The following TNRC6B variants were observed in gnomAD, a reference collection of about 807,000 sequenced individuals.
TNRC6B encodes trinucleotide repeat containing adaptor 6B.
In TNRC6B, 52 loss-of-function variants were observed where a neutral mutation model predicts 203.6. The ratio of observed to expected loss-of-function variants is 0.26; its 90% CI spans 0.20 to 0.32. The LOEUF (loss-of-function observed/expected upper bound fraction) is 0.32. TNRC6B is among the 10% of genes least tolerant of loss of function. The pLI is 1.00. For synonymous variants in TNRC6B, 838 were observed against 845.7 expected (o/e 0.99, Z 0.16); for missense variants, 1,923 against 2,286.2 (o/e 0.84, Z 3.24).
chr22:40,192,577 A>T (rs1166483685), intron 1 of TNRC6B, among the ~76,000 whole-genome samples: 1 of 152,178 alleles, frequency 6.6e-6, no homozygotes, highest in Non-Finnish European at 1.5e-5. Context: ...AGATCGAGCC[A>T]CTGCATTCCT....
At chr22:40,272,979 T>C (rs1481684863) in intron 6 of TNRC6B, among the ~76,000 whole-genome samples, 1 of 152,268 alleles carries the variant, frequency 6.6e-6, no homozygotes, top group Non-Finnish European at 1.5e-5. Context: ...AGCTAGACAG[T>C]TGTCCTTTAT....
intron 1 of TNRC6B, among the ~76,000 whole-genome samples, chr22:40,051,931 C>T (rs2067748826): frequency 6.6e-6 from 1 of 152,064 alleles, no homozygotes; most frequent in Non-Finnish European, 1.5e-5. Context: ...GTGTATTTTT[C>T]GCTCATAGAC....
chr22:40,171,168 T>C (rs2068993634), intron 4 of TNRC6B, among the ~76,000 whole-genome samples: 1 of 144,034 alleles, frequency 6.9e-6, no homozygotes, highest in Non-Finnish European at 1.5e-5. Flanking sequence ...TTTTTTTTTT[T>C]TTTTTTTTTT....
At chr22:40,204,444 C>G (rs2069453067) in intron 1 of TNRC6B, among the ~76,000 whole-genome samples, 1 of 152,216 alleles carries the variant, frequency 6.6e-6, no homozygotes, top group Non-Finnish European at 1.5e-5. Context: ...TCCCCAGGGA[C>G]TAACAGAGTC....
intron 3 of TNRC6B, among the ~76,000 whole-genome samples, chr22:40,151,116 CTA>C (rs1218310267): frequency 1.3e-5 from 2 of 152,122 alleles, no homozygotes; most frequent in Admixed American, 1.3e-4. Context: ...CAGAAGAAAA[CTA>C]AAACAGGCTG....
intron 3 of TNRC6B, chr22:40,156,023 C>G: frequency 8.7e-7 from 1 of 1,151,434 alleles, no homozygotes; most frequent in Non-Finnish European, 1.3e-6. Context: ...GTGAAACGGC[C>G]CTGTGGTTCT....
chr22:40,312,681 C>T (rs772482357), intron 18 of TNRC6B, 30 bp downstream of exon 18: 1 of 1,586,222 alleles, frequency 6.3e-7, no homozygotes, highest in Non-Finnish European at 8.6e-7. Context: ...CTTATATGTT[C>T]AACACCCAGC....
chr22:40,051,287 C>T (rs896191514), intron 1 of TNRC6B, among the ~76,000 whole-genome samples: 3 of 152,180 alleles, frequency 2.0e-5, no homozygotes, highest in Non-Finnish European at 4.4e-5. Flanking sequence ...TATCACTAAG[C>T]CAGACTAGAT....
rs1224099314 is a variant in TNRC6B at position 40,177,929 on chromosome 22, A to T, written c.-207A>T. 7.4e-7 allele frequency: 1 copy of T among 1,353,744 alleles called. No homozygotes were observed. 83.9% of individuals were successfully genotyped at this position (1,353,744 alleles called of 1,614,324 possible). ...TCACAAAAAGCTGCTTCCTTTAGAG[A>T]CAGAGAGGGAGAGAGAGAGCAAGAG... On this transcript the variant is annotated 5_prime_UTR_variant, in exon 1 of 23. Coordinates refer to ENST00000454349, the MANE Select transcript of TNRC6B (RefSeq NM_001162501.2).
At chr22:40,278,610 G>A (rs944281453) in intron 9 of TNRC6B, among the ~76,000 whole-genome samples, 9 of 151,524 alleles carry the variant, frequency 5.9e-5, no homozygotes, top group Admixed American at 6.6e-5. Flanking sequence ...ACTGTGGAGC[G>A]TCCACCTAGA....
intron 1 of TNRC6B, among the ~76,000 whole-genome samples, chr22:40,073,044 A>G (rs1029619375): frequency 6.6e-6 from 1 of 151,590 alleles, no homozygotes; most frequent in Non-Finnish European, 1.5e-5. Context: ...ACATAAGGAC[A>G]TTCAGTCTCA....
chr22:40,145,103 G>C (rs1403079766), intron 3 of TNRC6B, among the ~76,000 whole-genome samples: 3 of 151,342 alleles, frequency 2.0e-5, no homozygotes, highest in Admixed American at 6.6e-5. Flanking sequence ...TTAATTAGCT[G>C]GGTGTGCTGG....
At chr22:40,127,638 G>A (rs1025275371) in intron 3 of TNRC6B, among the ~76,000 whole-genome samples, 3 of 152,152 alleles carry the variant, frequency 2.0e-5, no homozygotes, top group African/African-American at 7.2e-5. Flanking sequence ...TTGGGAGTCC[G>A]AGGTGGGCAG....
chr22:40,251,423 G>A (rs956813193), intron 3 of TNRC6B, among the ~76,000 whole-genome samples: 1 of 152,126 alleles, frequency 6.6e-6, no homozygotes, highest in Admixed American at 6.5e-5. Context: ...TAAATACCTT[G>A]TTTTAAAAAG....
At chr22:40,152,418 C>T (rs112400250) in intron 3 of TNRC6B, among the ~76,000 whole-genome samples, 2,847 of 152,296 alleles carry the variant, frequency 0.019, 59 homozygotes, top group African/African-American at 0.05. Flanking sequence ...GCTCCGCCTC[C>T]CGGGTTCATG....
intron 4 of TNRC6B, among the ~76,000 whole-genome samples, chr22:40,168,206 C>T (rs906248800): frequency 7.9e-5 from 12 of 152,170 alleles, no homozygotes; most frequent in African/African-American, 2.7e-4. Context: ...CTAAAAGTAC[C>T]TAGGTTCATA....
At position 40,280,040 on chromosome 22, in the gene TNRC6B, A is replaced by C. The variant is rs201343353; in HGVS notation, c.3308A>C (p.Asn1103Thr). 3 of 1,613,898 alleles carry C rather than the reference A, an allele frequency of 1.9e-6. No homozygotes were observed. Among genetic ancestry groups the C allele is most frequent in the Non-Finnish European group, 2.5e-6 (3 of 1,179,830 alleles). Residue 1103 changes from asparagine to threonine, a missense_variant, in exon 10 of 23, where the codon AAT (asparagine) becomes ACT (threonine). Around this residue, in one of 8 missense-constraint regions of TNRC6B, gnomAD observed 599 missense variants for 656.5 expected, o/e 0.91. Coordinates refer to ENST00000454349, the MANE Select transcript of TNRC6B (RefSeq NM_001162501.2). Reference sequence around the variant, plus strand: ...TTTGATGTGGACAAGCGAGCGATGAATCTCGGGGATTTTAATGATATCATG... The same window carrying C: ...TTTGATGTGGACAAGCGAGCGATGACTCTCGGGGATTTTAATGATATCATG... ...KKFDVDKRAM[N>T]LGDFNDIMRK...
intron 11 of TNRC6B, 72 bp downstream of exon 11, chr22:40,281,361 A>G (rs1452037158): frequency 7.8e-7 from 1 of 1,284,578 alleles, no homozygotes; most frequent in Non-Finnish European, 1.0e-6. Flanking sequence ...AGTTTATTGC[A>G]TCATTTGTCT....
intron 3 of TNRC6B, among the ~76,000 whole-genome samples, chr22:40,151,840 AATG>A (rs2068759073): frequency 6.7e-6 from 1 of 149,694 alleles, no homozygotes; most frequent in African/African-American, 2.5e-5. Context: ...CAGACACAAA[AATG>A]AAGAAAGAGA....
Sources: allele counts gnomAD v4.1 joint callset (sites outside exome capture counted in the v4.1 genomes callset), GRCh38; gene constraint gnomAD v4.1.1; regional missense constraint gnomAD v4.1.1; transcripts MANE v1.5; gene names NCBI Gene and HGNC (gene_info 2026-07-23, HGNC 2026-07-21).